The following ACOX2 variants were observed in gnomAD, a reference collection of about 807,000 sequenced individuals.
The protein encoded by ACOX2 is acyl-CoA oxidase 2.
In ACOX2, 59 loss-of-function variants were observed where a neutral mutation model predicts 77.5. The observed-to-expected ratio is 0.76, with a 90% confidence interval of 0.62 to 0.95. ACOX2 has a LOEUF of 0.95. Among genes scored for constraint, ACOX2 ranks in the 40% least tolerant of loss-of-function variants. The probability of loss-of-function intolerance (pLI) is 0.00; values close to 1 mark genes in which losing one functional copy is unlikely to be tolerated. For synonymous variants in ACOX2, 317 were observed against 340.1 expected (o/e 0.93, Z 0.75); for missense variants, 837 against 880.4 (o/e 0.95, Z 0.62).
intron 14 of ACOX2, among the ~76,000 whole-genome samples, chr3:58,507,556 C>T (rs2079374480): frequency 6.6e-6 from 1 of 152,180 alleles, no homozygotes; most frequent in Non-Finnish European, 1.5e-5. Context: ...GCATTTCTGA[C>T]AGGTGTTATA....
chr3:58,535,235 C>T lies in ACOX2; in HGVS notation c.-91-38G>A, dbSNP rs1203188835. On this transcript the variant is annotated intron_variant, in intron 1 of 14. Transcript: ENST00000302819. This position sits in a 1 kb window ranked among gnomAD's most constrained non-coding sequence, Gnocchi z 4.8. ...GGAACTGCCTAGGGCTGGGTGTCAG[C>T]CAGGGCTGGTTGGTAGAAGAAAGAC... is the stretch of plus-strand genomic sequence containing the variant. The T allele has an allele frequency of 4.1e-6, 5 of 1,210,616 alleles. No individual in the cohort carries two copies. Among genetic ancestry groups the T allele is most frequent in the East Asian group, 2.3e-5 (1 of 42,708 alleles). 75.0% of individuals were successfully genotyped at this position (1,210,616 alleles called of 1,614,324 possible).
chr3:58,533,983 T>C lies in ACOX2; in HGVS notation c.475+11A>G, dbSNP rs771261332. Reference sequence around the variant, plus strand: ...ACAACCTAAACACCACACGCAGCAGTCCTAGCTCACCATGTCCCAACTCTG... The same window carrying C: ...ACAACCTAAACACCACACGCAGCAGCCCTAGCTCACCATGTCCCAACTCTG... On this transcript the variant is annotated intron_variant, in intron 4 of 14. Coordinates refer to ENST00000302819, the MANE Select transcript of ACOX2 (RefSeq NM_003500.4). The surrounding 1 kb of genome is among the most constrained non-coding windows in gnomAD (Gnocchi z 5.6). The C allele has an allele frequency of 6.2e-7, 1 of 1,614,032 alleles. No individual in the cohort carries two copies. The highest frequency in any genetic ancestry group is 1.1e-5 in the South Asian group (1 of 91,056).
Position 58,534,548 on chromosome 3 carries a change from T to C in ACOX2, c.161-26A>G. The C allele has an allele frequency of 6.2e-7, 1 of 1,614,192 alleles. No individual in the cohort carries two copies. The highest frequency in any genetic ancestry group is 8.5e-7 in the Non-Finnish European group (1 of 1,180,016). On this transcript the variant is annotated intron_variant, in intron 2 of 14. Coordinates refer to ENST00000302819, the MANE Select transcript of ACOX2 (RefSeq NM_003500.4). The surrounding 1 kb of genome is among the most constrained non-coding windows in gnomAD (Gnocchi z 4.8). ...CTGCAGAGGACAGAGAACAGAGGGC[T>C]TAGGGACCTGGGTGAGGTTTCTGGC...
rs2063462457 is a variant in ACOX2, at chr3:58,534,227, A to T, written c.324-82T>A. The T allele has an allele frequency of 1.1e-5, 17 of 1,584,846 alleles. No homozygotes were observed. Among genetic ancestry groups the T allele is most frequent in the Non-Finnish European group, 1.5e-5 (17 of 1,167,510 alleles). Reference sequence around the variant, plus strand: ...CCCCTGCCTGAGCAGAGTACAGGAGATAAAGGGCACCTAGCATCCTGGTTT... The same window carrying T: ...CCCCTGCCTGAGCAGAGTACAGGAGTTAAAGGGCACCTAGCATCCTGGTTT... On this transcript the variant is annotated intron_variant, in intron 3 of 14. Transcript: ENST00000302819. The surrounding 1 kb of genome is among the most constrained non-coding windows in gnomAD (Gnocchi z 4.8).
intron 5 of ACOX2, among the ~76,000 whole-genome samples, chr3:58,532,576 A>G (rs1009016888): frequency 6.6e-6 from 1 of 151,970 alleles, no homozygotes; most frequent in African/African-American, 2.4e-5. Flanking sequence ...AGTAGAGATG[A>G]GGTTTAATGA....
At chr3:58,508,791 G>T in intron 14 of ACOX2, 102 bp downstream of exon 14, 1 of 1,459,806 alleles carries the variant, frequency 6.9e-7, no homozygotes. Flanking sequence ...CCAAGTGATT[G>T]CCAACCTAAC....
intron 13 of ACOX2, among the ~76,000 whole-genome samples, chr3:58,509,686 A>G (rs1015669827): frequency 2.1e-5 from 3 of 143,890 alleles, no homozygotes; most frequent in South Asian, 2.3e-4. Context: ...GCTCACTGCA[A>G]CCTCTACCTC....
rs555080800 is a variant in ACOX2, at chr3:58,505,876, C to T, written c.1984-590G>A. ...TGCGATTTTGGCTCACTGCAACTTC[C>T]GCCTCCTGGGTTCAAGCGATTCTTG... On this transcript the variant is annotated intron_variant, in intron 14 of 14. Coordinates refer to ENST00000302819, the MANE Select transcript of ACOX2 (RefSeq NM_003500.4). This position sits in a 1 kb window ranked among gnomAD's most constrained non-coding sequence, Gnocchi z 4.4. Among the ~76,000 whole-genome samples, 3 of 152,182 alleles carry T rather than the reference C, an allele frequency of 2.0e-5. No homozygotes were observed. The highest frequency in any genetic ancestry group is 4.8e-5 in the African/African-American group (2 of 41,536).
intron 13 of ACOX2, chr3:58,511,092 TC>T (rs2063283675): frequency 6.6e-6 from 3 of 456,354 alleles, no homozygotes; most frequent in Non-Finnish European, 1.3e-5. Context: ...CTGTGTAAGT[TC>T]CCACCCTTGC....
At chr3:58,509,049 T>C (rs765251274) in intron 13 of ACOX2, 24 bp from the exon 14 acceptor site, 6 of 1,613,184 alleles carry the variant, frequency 3.7e-6, no homozygotes, top group Non-Finnish European at 5.1e-6. Flanking sequence ...CAAGAGTTTG[T>C]AAGTATTTTA....
intron 8 of ACOX2, among the ~76,000 whole-genome samples, chr3:58,530,250 G>C (rs867756737): frequency 6.6e-6 from 1 of 152,372 alleles, no homozygotes; most frequent in East Asian, 1.9e-4. Context: ...AGGTTAGGCC[G>C]GCTGGTCAGC....
chr3:58,517,199 C>T lies in ACOX2; in HGVS notation c.1850+7G>A. 1 of 1,613,270 alleles carries T rather than the reference C, an allele frequency of 6.2e-7. No homozygotes were observed. The highest frequency in any genetic ancestry group is 2.2e-5 in the East Asian group (1 of 44,864). On this transcript the variant is annotated splice_region_variant and intron_variant, in intron 13 of 14. Transcript: ENST00000302819. ...GACTAACATGGTTTGAAGTCTCTGC[C>T]ACTCACCGGATCAGGCGGAGCAGGT...
Position 58,531,668 on chromosome 3 carries a change from C to A in ACOX2, c.703+25G>T. The A allele has an allele frequency of 6.2e-7, 1 of 1,611,240 alleles. No individual in the cohort carries two copies. The highest frequency in any genetic ancestry group is 8.5e-7 in the Non-Finnish European group (1 of 1,178,530). ...CCTGGGCTCTCCTCCTGGCAGGGTT[C>A]CTTGAGGGAGCATTATGGGCTTACC... On this transcript the variant is annotated intron_variant, in intron 6 of 14. Coordinates refer to ENST00000302819, the MANE Select transcript of ACOX2 (RefSeq NM_003500.4). The surrounding 1 kb of genome is among the most constrained non-coding windows in gnomAD (Gnocchi z 5.8).
At chr3:58,529,218 G>A (rs965506326) in intron 8 of ACOX2, 2 of 288,260 alleles carry the variant, frequency 6.9e-6, no homozygotes, top group African/African-American at 4.3e-5. Context: ...CATATACACA[G>A]TATTATCCTA....
intron 13 of ACOX2, chr3:58,511,297 G>T: frequency 2.9e-6 from 1 of 347,580 alleles, no homozygotes; most frequent in Non-Finnish European, 5.6e-6. Flanking sequence ...AGGCCTGGCT[G>T]GTTGCTGTCA....
Position 58,515,363 on chromosome 3 carries a change from A to G in ACOX2, c.1850+1843T>C, listed in dbSNP as rs1210758038. ...GACCACCAGCTATCTGTTACATGCTATGAGTAGTCATAAAGGGCATGTAAC... is the reference window on the plus strand; with the variant it reads ...GACCACCAGCTATCTGTTACATGCTGTGAGTAGTCATAAAGGGCATGTAAC... On this transcript the variant is annotated intron_variant, in intron 13 of 14. Coordinates refer to ENST00000302819, the MANE Select transcript of ACOX2 (RefSeq NM_003500.4). The surrounding 1 kb of genome is among the most constrained non-coding windows in gnomAD (Gnocchi z 4.0). Among the ~76,000 whole-genome samples, 3 of 152,036 alleles carry G rather than the reference A, an allele frequency of 2.0e-5. No individual in the cohort carries two copies. The highest frequency in any genetic ancestry group is 7.2e-5 in the African/African-American group (3 of 41,390).
chr3:58,527,535 G>GAAAAAAAAAAAA (rs2063404932), intron 9 of ACOX2, among the ~76,000 whole-genome samples: 1 of 92,490 alleles, frequency 1.1e-5, no homozygotes, highest in African/African-American at 1.5e-4. Context: ...GACTGTCTCA[G>GAAAAAAAAAAAA]GAAAAAAAAA....
At chr3:58,536,012 A>G (rs2063478806) in intron 1 of ACOX2, among the ~76,000 whole-genome samples, 1 of 151,950 alleles carries the variant, frequency 6.6e-6, no homozygotes, top group African/African-American at 2.4e-5. Context: ...CTTGAACTGC[A>G]AATCACATTG....
Position 58,508,952 on chromosome 3 carries a change from C to T in ACOX2, c.1924G>A (p.Asp642Asn), listed in dbSNP as rs1427036791. ...AACAGGCGTTCGTAGACGTTTCCAT[C>T]ATAACAGCCAAGTGCTGAATTTAAA... ...QCLNSALGCY[D>N]GNVYERLFQW... is the part of the protein sequence containing the mutation. Residue 642 changes from aspartate to asparagine, a missense_variant, in exon 14 of 15, where the codon GAT becomes AAT. Asp to Asn is a conservative substitution (Grantham distance 23). Coordinates refer to ENST00000302819, the MANE Select transcript of ACOX2 (RefSeq NM_003500.4). 1 of 1,614,208 alleles carries T rather than the reference C, an allele frequency of 6.2e-7. No individual in the cohort carries two copies. Among genetic ancestry groups the T allele is most frequent in the South Asian group, 1.1e-5 (1 of 91,086 alleles).
Sources: gnomAD v4.1 joint callset for allele counts (sites outside exome capture counted in the v4.1 genomes callset) on GRCh38, gnomAD v4.1.1 for gene constraint, Gnocchi (gnomAD v3.1) non-coding constraint, MANE v1.5 for transcripts, NCBI Gene and HGNC (gene_info 2026-07-23, HGNC 2026-07-21) for gene names.